CDH12: variants seen among roughly 807,000 people sequenced by gnomAD.
CDH12 encodes the protein cadherin 12.
CDH12 carries 41 observed loss-of-function variants against 74.1 expected under a neutral mutation model. The ratio of observed to expected loss-of-function variants is 0.55; its 90% CI spans 0.43 to 0.72. The LOEUF is 0.72. CDH12 is among the 30% of genes least tolerant of loss of function. The probability of loss-of-function intolerance (pLI) is 0.00; values close to 1 mark genes in which losing one functional copy is unlikely to be tolerated. For missense variants in CDH12, 945 were observed against 977.2 expected (o/e 0.97, Z 0.44); for synonymous variants, 399 against 355.0 (o/e 1.12, Z -1.39).
intron 4 of CDH12, among the ~76,000 whole-genome samples, chr5:22,185,397 C>G (rs1292512894): frequency 2.0e-5 from 3 of 152,032 alleles, no homozygotes; most frequent in African/African-American, 7.3e-5. Flanking sequence ...ACAGGTTTCA[C>G]CATGTTGGGC....
intron 2 of CDH12, among the ~76,000 whole-genome samples, chr5:22,422,781 A>T (rs1005660086): frequency 1.3e-5 from 2 of 152,180 alleles, no homozygotes; most frequent in Non-Finnish European, 2.9e-5. Context: ...TAAATTATCC[A>T]TGAAATACCT....
chr5:21,841,423 G>T (rs1473136680), intron 8 of CDH12, among the ~76,000 whole-genome samples: 2 of 151,716 alleles, frequency 1.3e-5, no homozygotes, highest in Non-Finnish European at 2.9e-5. Context: ...CTGTAAACTA[G>T]TTCGACCATT....
intron 3 of CDH12, among the ~76,000 whole-genome samples, chr5:22,266,763 C>T (rs1238834288): frequency 6.6e-6 from 1 of 152,020 alleles, no homozygotes; most frequent in Non-Finnish European, 1.5e-5. Context: ...TGATGCAATT[C>T]AGAAAAAAGT....
intron 4 of CDH12, among the ~76,000 whole-genome samples, chr5:22,191,931 GT>G (rs67747789): frequency 0.31 from 46,963 of 151,210 alleles, 7,652 homozygotes; most frequent in South Asian, 0.39. Context: ...TAATACTCAT[GT>G]TTTTTGTTTG....
intron 3 of CDH12, among the ~76,000 whole-genome samples, chr5:22,260,461 A>G (rs1223474365): frequency 6.6e-6 from 1 of 152,038 alleles, no homozygotes; most frequent in Non-Finnish European, 1.5e-5. Context: ...GACGAGAATA[A>G]TTTTTTCTAC....
At chr5:22,171,576 T>C (rs1055113561) in intron 4 of CDH12, among the ~76,000 whole-genome samples, 22 of 151,990 alleles carry the variant, frequency 1.4e-4, no homozygotes, top group Non-Finnish European at 2.9e-5. Flanking sequence ...GTGGCACTTT[T>C]ATAAGCACTT....
intron 1 of CDH12, among the ~76,000 whole-genome samples, chr5:22,786,875 C>T (rs546911043): frequency 3.2e-4 from 48 of 152,058 alleles, no homozygotes; most frequent in African/African-American, 1.2e-3. Flanking sequence ...CATGCCACCA[C>T]ATCTGGCTAA....
rs1212669677 is a variant in CDH12, at chr5:22,078,449, T to C, written c.228A>G (p.Gly76=). Residue 76 remains glycine, a synonymous_variant, in exon 5 of 15, where the codon GGA becomes GGG. Transcript: ENST00000382254. ...EYVGSEPQYV[G]KLHSDLDKGE... The stretch of plus-strand genomic sequence containing the variant: ...GTCAAAAGAAATACGCCATTACCTT[T>C]CCCACATACTGAGGCTCGGAGCCCA... The C allele has an allele frequency of 6.2e-7, 1 of 1,613,176 alleles. No individual in the cohort carries two copies. Among genetic ancestry groups the C allele is most frequent in the Non-Finnish European group, 8.5e-7 (1 of 1,179,410 alleles).
intron 6 of CDH12, among the ~76,000 whole-genome samples, chr5:21,951,701 G>C (rs1036530091): frequency 2.0e-5 from 3 of 152,208 alleles, no homozygotes; most frequent in Admixed American, 2.0e-4. Flanking sequence ...TATGCTAAAA[G>C]AAAGTTCCTT....
chr5:22,252,860 T>G (rs1490239285), intron 3 of CDH12, among the ~76,000 whole-genome samples: 1 of 151,946 alleles, frequency 6.6e-6, no homozygotes, highest in Non-Finnish European at 1.5e-5. Flanking sequence ...CTGGTGTAAC[T>G]CCTATTACAT....
intron 5 of CDH12, among the ~76,000 whole-genome samples, chr5:21,991,836 T>C (rs1466546847): frequency 1.3e-5 from 2 of 151,902 alleles, no homozygotes; most frequent in African/African-American, 2.4e-5. Flanking sequence ...GCTTGTTTTC[T>C]TTGCATTATG....
chr5:21,804,643 A>AAAAATAC (rs1554032478), intron 9 of CDH12, among the ~76,000 whole-genome samples: 2 of 115,272 alleles, frequency 1.7e-5, no homozygotes, highest in Non-Finnish European at 3.9e-5. Context: ...AGTGAATTAA[A>AAAAATAC]ACACACACAC....
At position 22,641,652 on chromosome 5, in the gene CDH12, G is replaced by C. The variant is rs140496629; in HGVS notation, c.-522-136288C>G. ...ATATGCTGGATTTTTTCTTGCCTTA[G>C]GCCCTTTGCACTAACCAAGGCTTCT... On this transcript the variant is annotated intron_variant, in intron 1 of 14. Coordinates refer to ENST00000382254, the MANE Select transcript of CDH12 (RefSeq NM_004061.5). 7.9e-5 allele frequency among the ~76,000 whole-genome samples: 12 copies of C among 152,204 alleles called. No homozygotes were observed. The East Asian group carries it at 2.1e-3, about 27-fold the overall frequency.
At chr5:22,794,994 A>G (rs1394191608) in intron 1 of CDH12, among the ~76,000 whole-genome samples, 2 of 152,044 alleles carry the variant, frequency 1.3e-5, no homozygotes, top group African/African-American at 2.4e-5. Context: ...TTCATGTAAC[A>G]ATTTGGTGCC....
intron 1 of CDH12, among the ~76,000 whole-genome samples, chr5:22,699,708 T>C (rs1742610195): frequency 1.3e-5 from 2 of 152,182 alleles, no homozygotes; most frequent in South Asian, 4.1e-4. Context: ...CAGAAGGTGT[T>C]ATAAGACATA....
chr5:21,845,788 T>C (rs1040614385), intron 7 of CDH12, among the ~76,000 whole-genome samples: 4 of 152,066 alleles, frequency 2.6e-5, no homozygotes, highest in African/African-American at 9.7e-5. Flanking sequence ...CTCAGAGTGA[T>C]AAAGGAGATA....
intron 11 of CDH12, among the ~76,000 whole-genome samples, chr5:21,767,525 G>A (rs1343270252): frequency 6.6e-6 from 1 of 151,514 alleles, no homozygotes; most frequent in African/African-American, 2.4e-5. Flanking sequence ...CTATGACAAT[G>A]TTTTGTTGTG....
intron 3 of CDH12, among the ~76,000 whole-genome samples, chr5:22,251,400 A>G (rs930360770): frequency 6.6e-6 from 1 of 152,174 alleles, no homozygotes; most frequent in Non-Finnish European, 1.5e-5. Flanking sequence ...CAAATTATTG[A>G]ATTTGTAAAA....
chr5:22,722,756 G>C (rs1409425007), intron 1 of CDH12, among the ~76,000 whole-genome samples: 1 of 152,280 alleles, frequency 6.6e-6, no homozygotes, highest in Admixed American at 6.5e-5. Context: ...GTGTGTGCTT[G>C]CATATCAAAT....
Sources: gnomAD v4.1 joint callset for allele counts (sites outside exome capture counted in the v4.1 genomes callset) on GRCh38, gnomAD v4.1.1 for gene constraint, MANE v1.5 for transcripts, NCBI Gene and HGNC (gene_info 2026-07-23, HGNC 2026-07-21) for gene names.